The following RNF19B variants were observed in gnomAD, a reference collection of about 807,000 sequenced individuals.
The protein encoded by RNF19B is ring finger protein 19B.
In RNF19B, 23 loss-of-function variants were observed where a neutral mutation model predicts 65.5. The observed-to-expected ratio is 0.35, with a 90% confidence interval of 0.25 to 0.50. RNF19B has a LOEUF of 0.50. Ranked by LOEUF, RNF19B falls within the 20% of genes least tolerant of loss-of-function variation. The pLI is 0.98. For missense variants in RNF19B, 794 were observed against 980.0 expected, an observed-to-expected ratio of 0.81 and a Z score of 2.53; for synonymous variants, 372 against 379.6, an observed-to-expected ratio of 0.98 and a Z score of 0.23.
chr1:32,955,330 T>C (rs558962328), intron 1 of RNF19B, among the ~76,000 whole-genome samples: 1 of 152,242 alleles, frequency 6.6e-6, no homozygotes, highest in South Asian at 2.1e-4. Context: ...TATTGGCTTA[T>C]TATATGCCAG....
In RNF19B at chr1:32,952,611, G is replaced by A. The variant is rs147397376; in HGVS notation, c.636-2837C>T. Among the ~76,000 whole-genome samples the A allele has an allele frequency of 3.0e-3, 450 of 151,774 alleles. 4 individuals are homozygous for A. Among genetic ancestry groups the A allele is most frequent in the African/African-American group, 0.01 (425 of 41,394 alleles). On this transcript the variant is annotated intron_variant, in intron 1 of 8. Transcript: ENST00000235150. ...CAAAAAATTAGCTGGGCATGGTGGC[G>A]GGCGCCTGTAATCCCAGCTACTCAG...
At chr1:32,952,458 A>C (rs914168538) in intron 1 of RNF19B, among the ~76,000 whole-genome samples, 1 of 137,082 alleles carries the variant, frequency 7.3e-6, no homozygotes, top group Non-Finnish European at 1.6e-5. Flanking sequence ...AAAAAAAAAA[A>C]ACAGCCTGGC....
Position 32,936,965 on chromosome 1 carries a change from G to A in RNF19B, c.2037C>T (p.Ile679=), listed in dbSNP as rs868429507. The A allele has an allele frequency of 1.9e-6, 3 of 1,614,098 alleles. No homozygotes were observed. In the Middle Eastern group the frequency reaches 4.9e-4, roughly 266 times the overall value. ...GGGGGGAGCCACACTCATCTGAGGT[G>A]ATGTCTGGCACATCGTCTGACTGTG... ...SDAQSDDVPD[I]TSDECGSPRS... is the part of the protein sequence containing the mutation. Residue 679 remains isoleucine (I), a synonymous_variant, in exon 9 of 9, where the codon ATC becomes ATT. Coordinates refer to ENST00000235150, the MANE Select transcript of RNF19B (RefSeq NM_001300826.2).
chr1:32,952,604 T>C (rs943178858), intron 1 of RNF19B, among the ~76,000 whole-genome samples: 1 of 149,970 alleles, frequency 6.7e-6, no homozygotes, highest in Non-Finnish European at 1.5e-5. Context: ...TAGCTGGGCA[T>C]GGTGGCGGGC....
Position 32,938,447 on chromosome 1 carries a change from G to A in RNF19B, c.1692C>T (p.Ser564=). 1 of 1,614,174 alleles carries A rather than the reference G, an allele frequency of 6.2e-7. No homozygotes were observed. The highest frequency in any genetic ancestry group is 8.5e-7 in the Non-Finnish European group (1 of 1,180,040). The change falls in exon 8 of 9, where the codon AGC becomes AGT. Residue 564 remains serine (S), a synonymous_variant. Transcript: ENST00000235150. ...ASLGAISDNA[S]TRAMAGSIIS... is the part of the protein sequence containing the mutation. ...TTATGGAACCGGCCATAGCACGAGT[G>A]CTTGCGTTGTCACTAATTGCACCAA...
At position 32,949,419 on chromosome 1, in the gene RNF19B, A is replaced by G. The variant is rs151027219; in HGVS notation, c.841+150T>C. 4.7e-3 allele frequency: 3,006 copies of G among 637,778 alleles called. 12 individuals carry two copies. Among genetic ancestry groups the G allele is most frequent in the Non-Finnish European group, 6.9e-3 (2,548 of 371,946 alleles). 39.5% of individuals were successfully genotyped at this position (637,778 alleles called of 1,614,324 possible). ...GGTCAGAGAGGGAAGTGCTATCTTT[A>G]TTATAATATTGAAAGTATTATCAAA... On this transcript the variant is annotated intron_variant, in intron 2 of 8. Coordinates refer to ENST00000235150, the MANE Select transcript of RNF19B (RefSeq NM_001300826.2).
chr1:32,942,599 G>A (rs1642263681), intron 6 of RNF19B, 140 bp from the exon 7 acceptor site: 3 of 620,714 alleles, frequency 4.8e-6, no homozygotes, highest in African/African-American at 1.8e-5. Flanking sequence ...CATATCAGGT[G>A]TTTTAACATA....
rs1642848790 is a variant in RNF19B at position 32,964,342 on chromosome 1, TCCGCGCCCGGGCCACCGCCCTCCG to T, written c.320_343del (p.Ala107_Ala114del). 6.9e-7 allele frequency: 1 copy of T among 1,441,146 alleles called. No homozygotes were observed. Among genetic ancestry groups the T allele is most frequent in the Non-Finnish European group, 9.1e-7 (1 of 1,101,274 alleles). The allele number at this position is 1,441,146 out of a possible 1,614,324, so 89.3% of individuals were successfully genotyped here. On this transcript the variant is annotated inframe_deletion, in exon 1 of 9. Coordinates refer to ENST00000235150, the MANE Select transcript of RNF19B (RefSeq NM_001300826.2). The surrounding 1 kb of genome is among the most constrained non-coding windows in gnomAD (Gnocchi z 6.5). ...CAGGCACAGCGGACACTCCACCTCCTCCGCGCCCGGGCCACCGCCCTCCGCCGCCTCCTCATCGTCGAACCCAGG... is the reference window on the plus strand; with the variant it reads ...CAGGCACAGCGGACACTCCACCTCCTCCGCCTCCTCATCGTCGAACCCAGG...
intron 3 of RNF19B, among the ~76,000 whole-genome samples, chr1:32,947,624 A>C (rs973120183): frequency 3.3e-5 from 5 of 150,468 alleles, no homozygotes; most frequent in African/African-American, 1.2e-4. Context: ...GAGCCACTGC[A>C]CTCCAGCCTG....
intron 1 of RNF19B, among the ~76,000 whole-genome samples, chr1:32,961,639 AT>A (rs1304392342): frequency 6.6e-6 from 1 of 152,164 alleles, no homozygotes; most frequent in Non-Finnish European, 1.5e-5. Context: ...ATATAAAAAA[AT>A]ACATTGTTTA....
At chr1:32,955,055 G>A (rs1446749942) in intron 1 of RNF19B, among the ~76,000 whole-genome samples, 2 of 152,066 alleles carry the variant, frequency 1.3e-5, no homozygotes, top group African/African-American at 4.8e-5. Context: ...CTTCGTGGGT[G>A]TGCACAATTA....
Position 32,949,597 on chromosome 1 carries a change from A to C in RNF19B, c.813T>G (p.Gly271=), listed in dbSNP as rs771339525. The C allele has an allele frequency of 1.2e-6, 2 of 1,613,902 alleles. No individual in the cohort carries two copies. The highest frequency in any genetic ancestry group is 1.7e-6 in the Non-Finnish European group (2 of 1,180,020). Residue 271 remains glycine, a synonymous_variant, in exon 2 of 9, where the codon GGT becomes GGG. Coordinates refer to ENST00000235150, the MANE Select transcript of RNF19B (RefSeq NM_001300826.2). ...GTCCAGATTCTTGCCCATAACTGAG[A>C]CCTGAAGTGTGTTTGGTCCGAACTC... The part of the protein sequence containing the change: ...TLRVRTKHTS[G]LSYGQESGPD...
At chr1:32,936,444 GT>G (rs1429916282), downstream of RNF19B, 1 of 165,704 alleles carries the variant, frequency 6.0e-6, no homozygotes, top group Non-Finnish European at 1.3e-5. Flanking sequence ...GGAAAATGAG[GT>G]AAGTTGAATT....
At position 32,964,336 on chromosome 1, in the gene RNF19B, A is replaced by T. The variant is rs898668459; in HGVS notation, c.350T>A (p.Val117Glu). Reference sequence around the variant, plus strand: ...CCGCACCAGGCACAGCGGACACTCCACCTCCTCCGCGCCCGGGCCACCGCC... The same window carrying T: ...CCGCACCAGGCACAGCGGACACTCCTCCTCCTCCGCGCCCGGGCCACCGCC... ...AEGGGPGAEE[V>E]ECPLCLVRLP... Residue 117 changes from valine to glutamate, a missense_variant, in exon 1 of 9, where the codon GTG (valine) becomes GAG (glutamate). By Grantham distance (121) the Val-to-Glu change is moderately radical. Transcript: ENST00000235150. This position sits in a 1 kb window ranked among gnomAD's most constrained non-coding sequence, Gnocchi z 6.5. 4 of 1,452,498 alleles carry T rather than the reference A, an allele frequency of 2.8e-6. No homozygotes were observed. The highest frequency in any genetic ancestry group is 3.6e-6 in the Non-Finnish European group (4 of 1,107,438). 90.0% of individuals were successfully genotyped at this position (1,452,498 alleles called of 1,614,324 possible). A position where few individuals can be genotyped will look rare whatever the true frequency, so the allele number is the denominator to read the frequency against.
intron 8 of RNF19B, 106 bp downstream of exon 8, chr1:32,938,291 C>T: frequency 1.7e-6 from 2 of 1,197,312 alleles, no homozygotes; most frequent in South Asian, 2.5e-5. Context: ...CACTATATAT[C>T]CCAGGAGATG....
At chr1:32,939,956 A>C (rs981937549) in intron 7 of RNF19B, among the ~76,000 whole-genome samples, 2 of 152,226 alleles carry the variant, frequency 1.3e-5, no homozygotes, top group African/African-American at 2.4e-5. Flanking sequence ...TCCCCTGATA[A>C]GAGACAACCA....
In RNF19B at chr1:32,946,507, A is replaced by C; in HGVS notation, c.1041T>G (p.Leu347=). Residue 347 remains leucine, a synonymous_variant, in exon 4 of 9, where the codon CTT becomes CTG. Transcript: ENST00000235150. ...CACCAATCAACGTGCCCAGCTGCCA[A>C]AGAATTTTCTTCTTACGGCTCCATG... ...KKPWSRKKKI[L]WQLGTLIGAP... is the part of the protein sequence containing the mutation. 3 of 1,614,168 alleles carry C rather than the reference A, an allele frequency of 1.9e-6. No homozygotes were observed. The South Asian group carries it at 3.3e-5, about 18-fold the overall frequency.
intron 4 of RNF19B, among the ~76,000 whole-genome samples, chr1:32,946,051 C>T (rs1458883522): frequency 6.6e-6 from 1 of 151,960 alleles, no homozygotes; most frequent in Admixed American, 6.6e-5. Flanking sequence ...TTTTTGGGTA[C>T]AGATGGGTTT....
intron 7 of RNF19B, among the ~76,000 whole-genome samples, chr1:32,940,274 A>G (rs888703738): frequency 3.3e-5 from 5 of 152,164 alleles, no homozygotes; most frequent in Admixed American, 2.6e-4. Context: ...GAGCTTTTGC[A>G]AAACACGGAT....
Sources: allele counts gnomAD v4.1 joint callset (sites outside exome capture counted in the v4.1 genomes callset), GRCh38; gene constraint gnomAD v4.1.1; non-coding constraint Gnocchi (gnomAD v3.1); transcripts MANE v1.5; gene names NCBI Gene and HGNC (gene_info 2026-07-23, HGNC 2026-07-21).